Variants in EEIG1 observed in about 807,000 individuals in gnomAD.
The protein encoded by EEIG1 is estrogen-induced osteoclastogenesis regulator 1.
At chr9:127,945,327 G>C in the EEIG1 span, 12 of 1,463,274 alleles carry the variant, frequency 8.2e-6, no homozygotes, top group South Asian at 1.5e-4. The surrounding 1 kb of genome is among the most constrained non-coding windows in gnomAD (Gnocchi z 6.5). Context: ...ACCACCGGGA[G>C]AGGTCTGTTC....
At chr9:127,959,710 C>T in the EEIG1 span, among the ~76,000 whole-genome samples, 4 of 152,208 alleles carry the variant, frequency 2.6e-5, no homozygotes, top group East Asian at 5.8e-4. Flanking sequence ...AGAAGGTCCT[C>T]GCTTCCCCTT....
the EEIG1 span, among the ~76,000 whole-genome samples, chr9:127,946,171 A>G: frequency 1.3e-5 from 2 of 152,228 alleles, no homozygotes; most frequent in Admixed American, 1.3e-4. Context: ...TAAGGCCTCA[A>G]GAGGGCAAGG....
chr9:127,959,149 T>C, the EEIG1 span, among the ~76,000 whole-genome samples: 8 of 152,342 alleles, frequency 5.3e-5, no homozygotes, highest in Non-Finnish European at 1.0e-4. Context: ...ATTTCACCCC[T>C]AGGTATATAT....
chr9:127,960,303 G>A, the EEIG1 span, among the ~76,000 whole-genome samples: 1 of 152,272 alleles, frequency 6.6e-6, no homozygotes, highest in African/African-American at 2.4e-5. Flanking sequence ...AGAGGACAGT[G>A]GCTGAAGAGG....
At chr9:127,969,579 G>A in the EEIG1 span, among the ~76,000 whole-genome samples, 6 of 152,134 alleles carry the variant, frequency 3.9e-5, no homozygotes, top group Non-Finnish European at 8.8e-5. Context: ...GGAAAGCAAA[G>A]CTCGGGGAGA....
chr9:127,980,053 C>G, the EEIG1 span: 9 of 1,613,752 alleles, frequency 5.6e-6, no homozygotes, highest in Non-Finnish European at 6.8e-6. Flanking sequence ...AAGAGGACCC[C>G]GTTCACGAAG....
At chr9:127,970,020 C>T in the EEIG1 span, among the ~76,000 whole-genome samples, 1 of 152,170 alleles carries the variant, frequency 6.6e-6, no homozygotes, top group African/African-American at 2.4e-5. Flanking sequence ...TTACAGGCCC[C>T]CAGAAGGTCC....
the EEIG1 span, chr9:127,948,226 CT>C: frequency 6.2e-7 from 1 of 1,613,706 alleles, no homozygotes; most frequent in Non-Finnish European, 8.5e-7. Flanking sequence ...CGATGGTGGC[CT>C]TGGGAAGACA....
the EEIG1 span, among the ~76,000 whole-genome samples, chr9:127,948,640 G>T: frequency 1.3e-5 from 2 of 152,232 alleles, no homozygotes; most frequent in African/African-American, 4.8e-5. Context: ...CAGACCAGAG[G>T]GGAGGGCATA....
chr9:127,963,529 T>C, the EEIG1 span, among the ~76,000 whole-genome samples: 2 of 152,270 alleles, frequency 1.3e-5, no homozygotes, highest in African/African-American at 4.8e-5. Context: ...ACAGCCACTG[T>C]GGCCATCCCA....
the EEIG1 span, among the ~76,000 whole-genome samples, chr9:127,968,093 C>A: frequency 1.3e-5 from 2 of 151,212 alleles, no homozygotes; most frequent in Non-Finnish European, 2.9e-5. Flanking sequence ...AGCCACCACG[C>A]CTGGCTTCCT....
chr9:127,945,008 T>C, the EEIG1 span: 1 of 1,318,580 alleles, frequency 7.6e-7, no homozygotes, highest in Non-Finnish European at 1.1e-6. This position sits in a 1 kb window ranked among gnomAD's most constrained non-coding sequence, Gnocchi z 6.5. Context: ...AGAATGTCCC[T>C]GTGCGCTCCG....
the EEIG1 span, among the ~76,000 whole-genome samples, chr9:127,973,877 C>G: frequency 2.6e-5 from 4 of 152,200 alleles, no homozygotes. This position sits in a 1 kb window ranked among gnomAD's most constrained non-coding sequence, Gnocchi z 4.2. Context: ...CCAAGGCATG[C>G]TGCGGGGTCA....
At chr9:127,975,962 C>T in the EEIG1 span, among the ~76,000 whole-genome samples, 12 of 152,182 alleles carry the variant, frequency 7.9e-5, no homozygotes, top group Non-Finnish European at 1.8e-4. Flanking sequence ...GCTCACCATG[C>T]CCCAGTGCCA....
At chr9:127,953,959 C>T in the EEIG1 span, 2 of 1,611,460 alleles carry the variant, frequency 1.2e-6, no homozygotes, top group African/African-American at 1.3e-5. Context: ...AGCACAGGCA[C>T]ACACATCCGC....
chr9:127,948,898 G>C, the EEIG1 span, among the ~76,000 whole-genome samples: 1 of 152,166 alleles, frequency 6.6e-6, no homozygotes, highest in African/African-American at 2.4e-5. Flanking sequence ...ACTAACAACA[G>C]CCCAAATGTG....
At chr9:127,947,795 CTTGA>C in the EEIG1 span, among the ~76,000 whole-genome samples, 1 of 152,186 alleles carries the variant, frequency 6.6e-6, no homozygotes, top group Non-Finnish European at 1.5e-5. Flanking sequence ...TTATCTATGG[CTTGA>C]TTGAGGCCTG....
chr9:127,954,055 C>A, the EEIG1 span: 3 of 1,051,588 alleles, frequency 2.9e-6, no homozygotes, highest in Non-Finnish European at 4.2e-6. Context: ...CTCTGTGTCA[C>A]AAAATAGCTG....
chr9:127,961,397 G>A, the EEIG1 span, among the ~76,000 whole-genome samples: 1 of 152,192 alleles, frequency 6.6e-6, no homozygotes, highest in Non-Finnish European at 1.5e-5. Context: ...GAATGAGGAT[G>A]CCAGGCAGGC....
Sources: allele counts gnomAD v4.1 joint callset (sites outside exome capture counted in the v4.1 genomes callset), GRCh38; gene constraint gnomAD v4.1.1; non-coding constraint Gnocchi (gnomAD v3.1); transcripts MANE v1.5; gene names NCBI Gene and HGNC (gene_info 2026-07-23, HGNC 2026-07-21).